Variants in RPTOR observed in about 807,000 individuals in gnomAD.
RPTOR encodes the protein regulatory associated protein of MTOR complex 1, also known as regulatory-associated protein of mTOR.
A neutral mutation model predicts 169.9 loss-of-function variants in RPTOR; 21 were observed. That is an observed-to-expected ratio of 0.12 (90% confidence interval 0.09 to 0.18). The LOEUF is 0.18. Ranked by LOEUF, RPTOR falls within the 10% of genes least tolerant of loss-of-function variation. The pLI is 1.00. For synonymous variants in RPTOR, 732 were observed against 753.2 expected, an observed-to-expected ratio of 0.97 and a Z score of 0.46; for missense variants, 1,133 against 1,855.9, an observed-to-expected ratio of 0.61 and a Z score of 7.16.
At chr17:80,668,666 G>A (rs1052342196) in intron 3 of RPTOR, among the ~76,000 whole-genome samples, 2 of 152,180 alleles carry the variant, frequency 1.3e-5, no homozygotes, top group Admixed American at 6.5e-5. Context: ...GGTCACTTGC[G>A]TCACAGGGAT....
At chr17:80,923,216 C>G (rs573938499) in intron 22 of RPTOR, among the ~76,000 whole-genome samples, 1 of 152,352 alleles carries the variant, frequency 6.6e-6, no homozygotes, top group Admixed American at 6.5e-5. Flanking sequence ...CCACTCGACT[C>G]TGAGCTGGGT....
chr17:80,956,365 C>T (rs541656172), intron 28 of RPTOR, among the ~76,000 whole-genome samples: 13 of 152,346 alleles, frequency 8.5e-5, no homozygotes, highest in Non-Finnish European at 1.8e-4. Flanking sequence ...GTTTTAAATA[C>T]AGGCCGTCAC....
intron 4 of RPTOR, among the ~76,000 whole-genome samples, chr17:80,723,283 C>T (rs894493550): frequency 3.3e-5 from 5 of 151,102 alleles, no homozygotes; most frequent in Non-Finnish European, 7.4e-5. Context: ...CCTTAAACTG[C>T]CATGCCCTAA....
intron 22 of RPTOR, 75 bp from the exon 23 acceptor site, chr17:80,923,415 G>A (rs977163280): frequency 2.0e-5 from 31 of 1,555,494 alleles, no homozygotes; most frequent in Non-Finnish European, 2.6e-5. Context: ...GGTGGCCCAG[G>A]AAGTTGTTCC....
Position 80,845,290 on chromosome 17 carries a change from CT to C in RPTOR, c.1213-1182del, listed in dbSNP as rs1423898270. Among the ~76,000 whole-genome samples, 1 of 152,176 alleles carries C rather than the reference CT, an allele frequency of 6.6e-6. No homozygotes were observed. The highest frequency in any genetic ancestry group is 1.5e-5 in the Non-Finnish European group (1 of 68,026). ...GCCCACGGAGAACTCGTGTCACCCC[CT>C]CGAGGGGCCCTGATGCCGCCTGACA... On this transcript the variant is annotated intron_variant, in intron 10 of 33. Transcript: ENST00000306801. This position sits in a 1 kb window ranked among gnomAD's most constrained non-coding sequence, Gnocchi z 5.4.
intron 1 of RPTOR, among the ~76,000 whole-genome samples, chr17:80,607,695 GT>G (rs1226862533): frequency 6.6e-5 from 10 of 151,990 alleles, no homozygotes; most frequent in African/African-American, 2.2e-4. Flanking sequence ...TTTGGCCACA[GT>G]TTTTAGCACT....
Position 80,908,941 on chromosome 17 carries a change from GC to G in RPTOR, c.2520+13del. 1 of 1,591,330 alleles carries G rather than the reference GC, an allele frequency of 6.3e-7. No individual in the cohort carries two copies. Among genetic ancestry groups the G allele is most frequent in the Non-Finnish European group, 8.6e-7 (1 of 1,160,008 alleles). On this transcript the variant is annotated intron_variant, in intron 21 of 33. Coordinates refer to ENST00000306801, the MANE Select transcript of RPTOR (RefSeq NM_020761.3). ...GCATCGCCTACAAGGTACGTGCCGG[GC>G]GCTCCCCACCGCGCTCCAGCTGCTG...
intron 2 of RPTOR, among the ~76,000 whole-genome samples, chr17:80,627,469 A>G (rs920394864): frequency 1.4e-4 from 22 of 152,232 alleles, no homozygotes; most frequent in African/African-American, 4.8e-4. Flanking sequence ...GTCCCTTTGT[A>G]ATCGATCCCC....
rs8074182 is a variant in RPTOR at position 80,966,311 on chromosome 17, G to A, written c.*1981G>A. ...ATTGAGACGGACTTTGACAAAACAC[G>A]AAATGGTAATGTGAAGCTAAGAGCA... On this transcript the variant is annotated 3_prime_UTR_variant, in exon 34 of 34. Coordinates refer to ENST00000306801, the MANE Select transcript of RPTOR (RefSeq NM_020761.3). The A allele has an allele frequency of 0.013, 2,904 of 231,906 alleles. 96 individuals carry two copies. The highest frequency in any genetic ancestry group is 0.06 in the African/African-American group (2,700 of 45,334). 14.4% of individuals were successfully genotyped at this position (231,906 alleles called of 1,614,324 possible). A position where few individuals can be genotyped will look rare whatever the true frequency, so the allele number is the denominator to read the frequency against.
intron 3 of RPTOR, among the ~76,000 whole-genome samples, chr17:80,686,090 G>A (rs1222835647): frequency 1.3e-5 from 2 of 152,014 alleles, no homozygotes; most frequent in Non-Finnish European, 2.9e-5. Flanking sequence ...TGGGAGGATG[G>A]GCCATGGTTT....
At chr17:80,801,470 G>A (rs74001068) in intron 7 of RPTOR, among the ~76,000 whole-genome samples, 2,171 of 152,234 alleles carry the variant, frequency 0.014, 49 homozygotes, top group African/African-American at 0.05. Context: ...TGTGTGAACA[G>A]AGCACGGGCT....
chr17:80,747,797 G>C (rs982892325), intron 5 of RPTOR, among the ~76,000 whole-genome samples: 7 of 152,228 alleles, frequency 4.6e-5, no homozygotes, highest in African/African-American at 1.4e-4. Context: ...CCTGTACACT[G>C]GAGACTCGCC....
intron 3 of RPTOR, among the ~76,000 whole-genome samples, chr17:80,664,255 TA>T (rs2065746546): frequency 6.6e-6 from 1 of 152,216 alleles, no homozygotes; most frequent in Non-Finnish European, 1.5e-5. Flanking sequence ...TCTTAATGAT[TA>T]AAAATACGAT....
chr17:80,660,602 G>T lies in RPTOR; in HGVS notation c.348+16792G>T, dbSNP rs1353468882. 2.6e-5 allele frequency among the ~76,000 whole-genome samples: 4 copies of T among 152,200 alleles called. No individual in the cohort carries two copies. In the East Asian group the frequency reaches 7.7e-4, roughly 29 times the overall value. On this transcript the variant is annotated intron_variant, in intron 3 of 33. Coordinates refer to ENST00000306801, the MANE Select transcript of RPTOR (RefSeq NM_020761.3). ...TCCCAGAGCCCCATTCACCACCCAT[G>T]ATCACTCCCTGCCCCGTTTCCCATT... is the stretch of plus-strand genomic sequence containing the variant.
At chr17:80,934,992 G>C (rs111841118) in intron 24 of RPTOR, among the ~76,000 whole-genome samples, 117 of 148,166 alleles carry the variant, frequency 7.9e-4, no homozygotes, top group African/African-American at 2.8e-3. Context: ...TTCAAGACCA[G>C]CCTGGGCAGC....
At chr17:80,623,716 A>G (rs1427988658) in intron 1 of RPTOR, among the ~76,000 whole-genome samples, 1 of 151,806 alleles carries the variant, frequency 6.6e-6, no homozygotes, top group Non-Finnish European at 1.5e-5. Flanking sequence ...TTATATTTTT[A>G]GTAGAGACGA....
chr17:80,839,381 C>T (rs970572373), intron 10 of RPTOR, among the ~76,000 whole-genome samples: 2 of 152,196 alleles, frequency 1.3e-5, no homozygotes, highest in Non-Finnish European at 2.9e-5. Context: ...AAGAAATTTA[C>T]AGTGAGCACC....
intron 7 of RPTOR, among the ~76,000 whole-genome samples, chr17:80,811,253 G>T (rs1013264507): frequency 3.9e-5 from 6 of 152,194 alleles, no homozygotes; most frequent in African/African-American, 1.4e-4. Flanking sequence ...GGTTGAGGAA[G>T]TGCGCTTCTA....
intron 7 of RPTOR, chr17:80,805,119 G>A (rs568167364): frequency 2.7e-5 from 4 of 149,310 alleles, no homozygotes; most frequent in Non-Finnish European, 5.9e-5. Context: ...AGGCTAGGAA[G>A]TGACTCTGGG....
Sources: allele counts gnomAD v4.1 joint callset (sites outside exome capture counted in the v4.1 genomes callset), GRCh38; gene constraint gnomAD v4.1.1; non-coding constraint Gnocchi (gnomAD v3.1); transcripts MANE v1.5; gene names NCBI Gene and HGNC (gene_info 2026-07-23, HGNC 2026-07-21).